The following ANKRD39 variants were observed in gnomAD, a reference collection of about 807,000 sequenced individuals.
The protein encoded by ANKRD39 is ankyrin repeat domain-containing protein 39.
In ANKRD39, 18 loss-of-function variants were observed where a neutral mutation model predicts 20.3. The observed-to-expected ratio is 0.89, with a 90% CI of 0.61 to 1.32. The LOEUF is 1.32. Ranked by LOEUF, ANKRD39 falls within the 40% of genes most tolerant of loss-of-function variation. The pLI is 0.00. For synonymous variants in ANKRD39, 106 were observed against 111.9 expected (o/e 0.95, Z 0.33); for missense variants, 243 against 250.7 (o/e 0.97, Z 0.21).
At chr2:96,855,969 G>A (rs912581460) in intron 1 of ANKRD39, among the ~76,000 whole-genome samples, 3 of 150,928 alleles carry the variant, frequency 2.0e-5, no homozygotes, top group Non-Finnish European at 4.4e-5. Context: ...GCCAGACTCC[G>A]ACTCAACAAC....
At chr2:96,852,717 T>C (rs991381651) in intron 3 of ANKRD39, among the ~76,000 whole-genome samples, 1 of 152,064 alleles carries the variant, frequency 6.6e-6, no homozygotes, top group Non-Finnish European at 1.5e-5. Flanking sequence ...TACACACATA[T>C]ATGATTTATA....
At chr2:96,851,561 G>A (rs1334228070) in intron 3 of ANKRD39, among the ~76,000 whole-genome samples, 1 of 152,188 alleles carries the variant, frequency 6.6e-6, no homozygotes, top group Admixed American at 6.5e-5. Flanking sequence ...AAAGGGCTGG[G>A]ATTACAGGTG....
rs569204930 is a variant in ANKRD39, at chr2:96,849,915, G to C, written c.409-1471C>G. Among the ~76,000 whole-genome samples the C allele has an allele frequency of 1.4e-4, 21 of 152,268 alleles. No homozygotes were observed. In the East Asian group the frequency reaches 3.1e-3, roughly 22 times the overall value. ...AACCTACCTCCCCCCAAAAATAATA[G>C]AGTTAAGTGATTTACATAGACTATC... On this transcript the variant is annotated intron_variant, in intron 3 of 3. Transcript: ENST00000393537.
In ANKRD39 at chr2:96,854,368, A is replaced by T. The variant is rs776379117; in HGVS notation, c.174T>A (p.Ser58Arg). The T allele has an allele frequency of 6.2e-7, 1 of 1,614,102 alleles. No individual in the cohort carries two copies. Among genetic ancestry groups the T allele is most frequent in the Non-Finnish European group, 8.5e-7 (1 of 1,180,024 alleles). The change falls in exon 2 of 4, where the codon AGT (serine) becomes AGA (arginine). Residue 58 changes from serine (S) to arginine (R), a missense_variant. Coordinates refer to ENST00000393537, the MANE Select transcript of ANKRD39 (RefSeq NM_016466.6). ...CAGTGTAGCCGGCCGAGTCGGGCTG[A>T]CTTGGGTCCTCGGCCTTCTGGATTA... ...KHLIQKAEDP[S>R]QPDSAGYTAL...
At chr2:96,851,214 T>C (rs1283652447) in intron 3 of ANKRD39, among the ~76,000 whole-genome samples, 1 of 151,788 alleles carries the variant, frequency 6.6e-6, no homozygotes, top group African/African-American at 2.4e-5. Context: ...TGGAGTGCAA[T>C]GGCGCGGTCT....
intron 3 of ANKRD39, among the ~76,000 whole-genome samples, chr2:96,849,461 C>T (rs920173990): frequency 1.3e-5 from 2 of 152,038 alleles, no homozygotes; most frequent in Non-Finnish European, 2.9e-5. Flanking sequence ...ACCAGCCTGG[C>T]CAACATGGTG....
At chr2:96,854,176 A>G (rs112818550) in intron 2 of ANKRD39, among the ~76,000 whole-genome samples, 162 bp downstream of exon 2, 3 of 152,238 alleles carry the variant, frequency 2.0e-5, no homozygotes, top group African/African-American at 7.2e-5. Flanking sequence ...ACACTAATTT[A>G]AAAAATCCAG....
intron 3 of ANKRD39, among the ~76,000 whole-genome samples, chr2:96,852,378 C>A (rs1484805779): frequency 2.3e-5 from 3 of 130,092 alleles, no homozygotes; most frequent in Admixed American, 1.6e-4. Context: ...CAGAGTGAGA[C>A]CCTGTCTCAA....
At chr2:96,853,728 C>T in intron 2 of ANKRD39, 124 bp from the exon 3 acceptor site, 1 of 917,150 alleles carries the variant, frequency 1.1e-6, no homozygotes, top group Non-Finnish European at 1.7e-6. Flanking sequence ...CCAACCCCAG[C>T]AGTCGTGTGA....
intron 3 of ANKRD39, among the ~76,000 whole-genome samples, chr2:96,850,489 A>C (rs1221110633): frequency 6.6e-6 from 1 of 152,046 alleles, no homozygotes; most frequent in Non-Finnish European, 1.5e-5. Flanking sequence ...AACATGGTGA[A>C]ACTGTCTCTA....
intron 3 of ANKRD39, among the ~76,000 whole-genome samples, chr2:96,849,514 G>T (rs1395553847): frequency 6.6e-6 from 1 of 152,104 alleles, no homozygotes; most frequent in Non-Finnish European, 1.5e-5. Context: ...GCCAGGCGTG[G>T]TGGCATGTGC....
chr2:96,854,729 G>T (rs1444453671), intron 1 of ANKRD39, among the ~76,000 whole-genome samples: 1 of 152,138 alleles, frequency 6.6e-6, no homozygotes, highest in Non-Finnish European at 1.5e-5. Flanking sequence ...TAAAATGTTT[G>T]GATCTAGAGT....
At chr2:96,852,938 C>T (rs1210879221) in intron 3 of ANKRD39, among the ~76,000 whole-genome samples, 1 of 152,148 alleles carries the variant, frequency 6.6e-6, no homozygotes, top group Non-Finnish European at 1.5e-5. Context: ...AAGTGAACAC[C>T]TCAAAGGACG....
chr2:96,853,491 G>C lies in ANKRD39; in HGVS notation c.318C>G (p.Tyr106Ter). Residue 106 changes from tyrosine to a stop codon, truncating the protein, a stop_gained, in exon 3 of 4, where the codon TAC (tyrosine) becomes TAG (stop). Coordinates refer to ENST00000393537, the MANE Select transcript of ANKRD39 (RefSeq NM_016466.6). LOFTEE classifies it high-confidence loss of function. ...GGATALHRAS[Y>*]CGHTEIARLL... Reference sequence around the variant, plus strand: ...GCCGCGCGATTTCAGTGTGCCCGCAGTAGCTGGCTCGGTGCAGAGCAGTGG... The same window carrying C: ...GCCGCGCGATTTCAGTGTGCCCGCACTAGCTGGCTCGGTGCAGAGCAGTGG... 1 of 1,612,442 alleles carries C rather than the reference G, an allele frequency of 6.2e-7. No individual in the cohort carries two copies. Among genetic ancestry groups the C allele is most frequent in the Non-Finnish European group, 8.5e-7 (1 of 1,179,358 alleles).
intron 2 of ANKRD39, among the ~76,000 whole-genome samples, chr2:96,854,124 C>T (rs1267064659): frequency 6.6e-6 from 1 of 152,184 alleles, no homozygotes; most frequent in Non-Finnish European, 1.5e-5. Flanking sequence ...AAGACTTCAT[C>T]TCAAAACAAA....
chr2:96,852,290 G>C (rs2079841517), intron 3 of ANKRD39, among the ~76,000 whole-genome samples: 1 of 150,890 alleles, frequency 6.6e-6, no homozygotes, highest in Non-Finnish European at 1.5e-5. Flanking sequence ...AGGAGGCTGA[G>C]GTGGGAAGAT....
chr2:96,851,446 A>G (rs2079836716), intron 3 of ANKRD39, among the ~76,000 whole-genome samples: 1 of 152,008 alleles, frequency 6.6e-6, no homozygotes, highest in Non-Finnish European at 1.5e-5. Flanking sequence ...ATGAGCCACC[A>G]CACCCGGCCT....
chr2:96,854,564 A>G, intron 1 of ANKRD39, 123 bp from the exon 2 acceptor site: 1 of 895,702 alleles, frequency 1.1e-6, no homozygotes, highest in Non-Finnish European at 1.7e-6. Flanking sequence ...ACAAATATCA[A>G]CCGAGCACCT....
chr2:96,848,458 G>A lies in ANKRD39; in HGVS notation c.409-14C>T, dbSNP rs771770206. 1.2e-6 allele frequency: 2 copies of A among 1,613,526 alleles called. No homozygotes were observed. The highest frequency in any genetic ancestry group is 2.2e-5 in the South Asian group (2 of 91,064). Reference sequence around the variant, plus strand: ...CCTCTCAGCAGCCTGTGGAGAGAAAGGCTGGAATCAAAGGGCATACCCCCC... The same window carrying A: ...CCTCTCAGCAGCCTGTGGAGAGAAAAGCTGGAATCAAAGGGCATACCCCCC... On this transcript the variant is annotated splice_polypyrimidine_tract_variant and intron_variant, in intron 3 of 3. Coordinates refer to ENST00000393537, the MANE Select transcript of ANKRD39 (RefSeq NM_016466.6).
Sources: allele counts gnomAD v4.1 joint callset (sites outside exome capture counted in the v4.1 genomes callset), GRCh38; gene constraint gnomAD v4.1.1; transcripts MANE v1.5; gene names NCBI Gene and HGNC (gene_info 2026-07-23, HGNC 2026-07-21).